The following KLHL1 variants were observed in gnomAD, a reference collection of about 807,000 sequenced individuals.
The protein encoded by KLHL1 is kelch-like protein 1.
Under a neutral mutation model 77.7 loss-of-function variants are expected in KLHL1, and 47 were observed. That is an observed-to-expected ratio of 0.60 (90% confidence interval 0.48 to 0.77). The LOEUF is 0.77. Among genes scored for constraint, KLHL1 ranks in the 30% least tolerant of loss-of-function variants. The pLI is 0.00. For missense variants in KLHL1, 925 were observed against 910.8 expected, an observed-to-expected ratio of 1.02 and a Z score of -0.20; for synonymous variants, 360 against 325.2, an observed-to-expected ratio of 1.11 and a Z score of -1.15.
At chr13:69,901,133 A>G (rs1184226401) in intron 4 of KLHL1, among the ~76,000 whole-genome samples, 2 of 152,244 alleles carry the variant, frequency 1.3e-5, no homozygotes, top group Non-Finnish European at 2.9e-5. Context: ...AATAGAATGG[A>G]AACAACATTT....
At chr13:69,767,932 A>G (rs980976525) in intron 7 of KLHL1, among the ~76,000 whole-genome samples, 3 of 152,334 alleles carry the variant, frequency 2.0e-5, no homozygotes, top group Middle Eastern at 3.4e-3. Flanking sequence ...ATTTTAATCA[A>G]TATCTGGCCT....
At chr13:69,916,616 G>A (rs973755687) in intron 4 of KLHL1, among the ~76,000 whole-genome samples, 8 of 152,074 alleles carry the variant, frequency 5.3e-5, no homozygotes, top group Non-Finnish European at 5.9e-5. Context: ...GGGAGGGATA[G>A]CATTAGGAGA....
At chr13:70,041,822 C>G (rs1268590728) in intron 1 of KLHL1, among the ~76,000 whole-genome samples, 2 of 152,076 alleles carry the variant, frequency 1.3e-5, no homozygotes, top group Admixed American at 6.5e-5. Flanking sequence ...GTTATTGCCA[C>G]ACTGGGATAG....
At chr13:69,941,836 C>T (rs764070040) in intron 3 of KLHL1, among the ~76,000 whole-genome samples, 1 of 151,860 alleles carries the variant, frequency 6.6e-6, no homozygotes, top group South Asian at 2.1e-4. Context: ...CTATGAACAC[C>T]TTATGTGCAC....
At position 69,872,062 on chromosome 13, in the gene KLHL1, G is replaced by A. The variant is rs75050069; in HGVS notation, c.1227+10221C>T. 2.6e-4 allele frequency among the ~76,000 whole-genome samples: 39 copies of A among 152,238 alleles called. 1 individual carries two copies. In the East Asian group the frequency reaches 7.2e-3, roughly 28 times the overall value. On this transcript the variant is annotated intron_variant, in intron 5 of 10. Transcript: ENST00000377844. ...GTGTTGCTATAAAGGACTACCTGAG[G>A]CTAGATAATTTATAATGAAAACAAG...
At chr13:69,725,020 G>T (rs1376599242) in intron 8 of KLHL1, among the ~76,000 whole-genome samples, 3 of 152,128 alleles carry the variant, frequency 2.0e-5, no homozygotes, top group African/African-American at 7.2e-5. Context: ...TGGTGGGTTT[G>T]TTTCACATCC....
chr13:69,807,143 T>C (rs1484278374), intron 6 of KLHL1, among the ~76,000 whole-genome samples: 2 of 152,190 alleles, frequency 1.3e-5, no homozygotes, highest in African/African-American at 4.8e-5. Context: ...TGTCATCCCA[T>C]GCATATCTAG....
At position 69,816,378 on chromosome 13, in the gene KLHL1, A is replaced by G. The variant is rs893937743; in HGVS notation, c.1415-19416T>C. On this transcript the variant is annotated intron_variant, in intron 6 of 10. Transcript: ENST00000377844. ...CAGGCTCAAGTGATTCTTCTGCCTCAGCTTCCTGAGTAGCTGAGATTACAG... is the reference window on the plus strand; with the variant it reads ...CAGGCTCAAGTGATTCTTCTGCCTCGGCTTCCTGAGTAGCTGAGATTACAG... 9.3e-5 allele frequency among the ~76,000 whole-genome samples: 14 copies of G among 151,026 alleles called. No homozygotes were observed. In the East Asian group the frequency reaches 1.8e-3, roughly 19 times the overall value.
chr13:69,878,711 T>TAGAGAG (rs988830315), intron 5 of KLHL1, among the ~76,000 whole-genome samples: 2 of 143,506 alleles, frequency 1.4e-5, no homozygotes, highest in South Asian at 2.2e-4. Context: ...TATATATATA[T>TAGAGAG]AGAGAGAGAG....
At chr13:70,041,212 T>C (rs948839875) in intron 1 of KLHL1, among the ~76,000 whole-genome samples, 7 of 152,220 alleles carry the variant, frequency 4.6e-5, no homozygotes, top group African/African-American at 1.4e-4. Flanking sequence ...TTAAGATAAC[T>C]CTAACACTTG....
intron 1 of KLHL1, among the ~76,000 whole-genome samples, chr13:70,053,868 T>G (rs1886684431): frequency 6.6e-6 from 1 of 152,122 alleles, no homozygotes; most frequent in African/African-American, 2.4e-5. Context: ...ACCTGCCTAC[T>G]CCTTCTTACT....
intron 7 of KLHL1, among the ~76,000 whole-genome samples, chr13:69,748,420 C>T (rs1874315696): frequency 6.6e-6 from 1 of 151,972 alleles, no homozygotes; most frequent in South Asian, 2.1e-4. Flanking sequence ...AATGCAAAAG[C>T]GGAATCCCCT....
intron 9 of KLHL1, among the ~76,000 whole-genome samples, chr13:69,714,856 G>T (rs1161283665): frequency 1.3e-5 from 2 of 152,116 alleles, no homozygotes; most frequent in South Asian, 2.1e-4. Context: ...AGCCTCCAAA[G>T]GTGCCAGTAT....
intron 1 of KLHL1, among the ~76,000 whole-genome samples, chr13:70,043,617 C>G (rs531745381): frequency 6.6e-6 from 1 of 152,068 alleles, no homozygotes; most frequent in Admixed American, 6.6e-5. Flanking sequence ...TTTTACTGTA[C>G]CTTTTCTATG....
intron 5 of KLHL1, among the ~76,000 whole-genome samples, chr13:69,868,844 T>A (rs1880471159): frequency 6.6e-6 from 1 of 152,148 alleles, no homozygotes; most frequent in Non-Finnish European, 1.5e-5. Context: ...TAAAATACAG[T>A]CTACTTTAAT....
chr13:69,977,661 G>T (rs9317860), intron 1 of KLHL1, among the ~76,000 whole-genome samples: 3 of 151,892 alleles, frequency 2.0e-5, no homozygotes, highest in African/African-American at 7.2e-5. Flanking sequence ...ACTTAAACAC[G>T]TTTTAATCGT....
At chr13:70,075,215 G>T (rs1483618742) in intron 1 of KLHL1, among the ~76,000 whole-genome samples, 1 of 151,860 alleles carries the variant, frequency 6.6e-6, no homozygotes, top group Admixed American at 6.6e-5. Context: ...TTTTGTAAAT[G>T]ATTCTCTTTG....
In KLHL1 at chr13:69,885,029, T is replaced by C. The variant is rs1317814431; in HGVS notation, c.1015-2534A>G. 3.8e-5 allele frequency among the ~76,000 whole-genome samples: 5 copies of C among 133,180 alleles called. 1 individual carries two copies. The highest frequency in any genetic ancestry group is 4.3e-4 in the South Asian group (2 of 4,614). The allele number at this position is 133,180 out of a possible 152,430, so 87.4% of individuals were successfully genotyped here. A position where few individuals can be genotyped will look rare whatever the true frequency, so the allele number is the denominator to read the frequency against. On this transcript the variant is annotated intron_variant, in intron 4 of 10. Coordinates refer to ENST00000377844, the MANE Select transcript of KLHL1 (RefSeq NM_020866.3). ...AATCTCGGCTCACTGCAAGCTCCGCTTCCCGGGTTCACGCCATTCGCCTGC... is the reference window on the plus strand; with the variant it reads ...AATCTCGGCTCACTGCAAGCTCCGCCTCCCGGGTTCACGCCATTCGCCTGC...
chr13:70,009,379 C>A (rs1043003679), intron 1 of KLHL1, among the ~76,000 whole-genome samples: 2 of 152,032 alleles, frequency 1.3e-5, no homozygotes, highest in African/African-American at 4.8e-5. Context: ...AGGTAAAGGG[C>A]AGGGAAGACA....
Sources: allele counts gnomAD v4.1 joint callset (sites outside exome capture counted in the v4.1 genomes callset), GRCh38; gene constraint gnomAD v4.1.1; transcripts MANE v1.5; gene names NCBI Gene and HGNC (gene_info 2026-07-23, HGNC 2026-07-21).